Variants in ABCG8 observed in about 807,000 individuals in gnomAD.
ABCG8 encodes ATP binding cassette subfamily G member 8.
A neutral mutation model predicts 71.3 loss-of-function variants in ABCG8; 81 were observed. The ratio of observed to expected loss-of-function variants is 1.14; its 90% CI spans 0.95 to 1.37. The LOEUF (loss-of-function observed/expected upper bound fraction) is 1.37. Among genes scored for constraint, ABCG8 ranks in the 40% most tolerant of loss-of-function variants. ABCG8 has a pLI of 0.00. For synonymous variants in ABCG8, 451 were observed against 354.7 expected (o/e 1.27, Z -3.05); for missense variants, 1,119 against 866.2 (o/e 1.29, Z -3.66).
In ABCG8 at chr2:43,856,934, T is replaced by C. The variant is rs570390257; in HGVS notation, c.964+4066T>C. On this transcript the variant is annotated intron_variant, in intron 6 of 12. Coordinates refer to ENST00000272286, the MANE Select transcript of ABCG8 (RefSeq NM_022437.3). ...AGAATTCTCACTATCTGGATAGAAT[T>C]CTTACTTTCTGGATAGAACTCTCAG... Among the ~76,000 whole-genome samples, 5 of 151,510 alleles carry C rather than the reference T, an allele frequency of 3.3e-5. No homozygotes were observed. In the South Asian group the frequency reaches 1.0e-3, roughly 32 times the overall value.
At position 43,878,528 on chromosome 2, in the gene ABCG8, C is replaced by G. The variant is rs1670034884; in HGVS notation, c.*615C>G. ...CAATCCCTTGAGGTAAGTGGTATCC[C>G]ATTTTATAGGTGTGAAAACTGAAGC... On this transcript the variant is annotated 3_prime_UTR_variant, in exon 13 of 13. Coordinates refer to ENST00000272286, the MANE Select transcript of ABCG8 (RefSeq NM_022437.3). 1 of 166,562 alleles carries G rather than the reference C, an allele frequency of 6.0e-6. No individual in the cohort carries two copies. The highest frequency in any genetic ancestry group is 2.4e-5 in the African/African-American group (1 of 41,796). 10.3% of individuals were successfully genotyped at this position (166,562 alleles called of 1,614,324 possible). A position where few individuals can be genotyped will look rare whatever the true frequency, so the allele number is the denominator to read the frequency against.
In ABCG8 at chr2:43,875,212, G is replaced by T. The variant is rs1558859254; in HGVS notation, c.1555G>T (p.Ala519Ser). 6.2e-7 allele frequency: 1 copy of T among 1,614,200 alleles called. No individual in the cohort carries two copies. The highest frequency in any genetic ancestry group is 2.2e-5 in the East Asian group (1 of 44,878). Reference sequence around the variant, plus strand: ...CTACGGGATGCCCACCTACTGGCTGGCCAACCTGAGGCCAGGCCTCCAGCC... The same window carrying T: ...CTACGGGATGCCCACCTACTGGCTGTCCAACCTGAGGCCAGGCCTCCAGCC... ...IIYGMPTYWL[A>S]NLRPGLQPFL... The change falls in exon 11 of 13, where the codon GCC becomes TCC. Residue 519 changes from alanine to serine, a missense_variant. Physicochemically the swap from Ala to Ser is moderately conservative, Grantham distance 99 (BLOSUM62 1). Coordinates refer to ENST00000272286, the MANE Select transcript of ABCG8 (RefSeq NM_022437.3).
rs138169181 is a variant in ABCG8, at chr2:43,875,808, G to A, written c.1756+395G>A. ...ACCTGGGCCCCTCCACATCCCTCTCGACTCAGCCACGCAGAGTGAGCTTTC... is the reference window on the plus strand; with the variant it reads ...ACCTGGGCCCCTCCACATCCCTCTCAACTCAGCCACGCAGAGTGAGCTTTC... On this transcript the variant is annotated intron_variant, in intron 11 of 12. Coordinates refer to ENST00000272286, the MANE Select transcript of ABCG8 (RefSeq NM_022437.3). 5.3e-5 allele frequency among the ~76,000 whole-genome samples: 8 copies of A among 152,222 alleles called. No homozygotes were observed. In the South Asian group the frequency reaches 8.3e-4, roughly 16 times the overall value.
Position 43,852,526 on chromosome 2 carries a change from G to A in ABCG8, c.694+40G>A, listed in dbSNP as rs766536567. 1.9e-6 allele frequency: 3 copies of A among 1,612,956 alleles called. No homozygotes were observed. The South Asian group carries it at 3.3e-5, about 18-fold the overall frequency. On this transcript the variant is annotated intron_variant, in intron 5 of 12. Transcript: ENST00000272286. ...GGCAGATGGGGGCAGAGGGACCTGT[G>A]CGGTCCCCTCAGGCTTGGCTTGGTC... is the stretch of plus-strand genomic sequence containing the variant.
At position 43,852,406 on chromosome 2, in the gene ABCG8, T is replaced by TG. The variant is rs1668951343; in HGVS notation, c.617dup (p.Asn207GlnfsTer11). ...CTTAGGCAGTGCGCTGACACCCGCG[T>TG]GGGCAACATGTACGTGCGGGGGTTG... is the stretch of plus-strand genomic sequence containing the variant. On this transcript the variant is annotated frameshift_variant, in exon 5 of 13. Coordinates refer to ENST00000272286, the MANE Select transcript of ABCG8 (RefSeq NM_022437.3). LOFTEE classifies it high-confidence loss of function. The TG allele has an allele frequency of 6.2e-7, 1 of 1,612,322 alleles. No homozygotes were observed. The highest frequency in any genetic ancestry group is 1.1e-5 in the South Asian group (1 of 91,008).
chr2:43,871,753 G>C (rs1160379437), intron 6 of ABCG8, among the ~76,000 whole-genome samples: 2 of 152,228 alleles, frequency 1.3e-5, no homozygotes, highest in Non-Finnish European at 2.9e-5. Flanking sequence ...TTACCCTGAG[G>C]CTTCTGCAGA....
intron 6 of ABCG8, among the ~76,000 whole-genome samples, chr2:43,855,246 C>G (rs1015144318): frequency 6.6e-6 from 1 of 152,130 alleles, no homozygotes; most frequent in African/African-American, 2.4e-5. Context: ...AGATAGAACT[C>G]TCACTATCTG....
rs145125968 is a variant in ABCG8 at position 43,877,813 on chromosome 2, A to T, written c.1922A>T (p.Tyr641Phe). 2.6e-4 allele frequency: 420 copies of T among 1,613,906 alleles called. No individual in the cohort carries two copies. The highest frequency in any genetic ancestry group is 3.4e-4 in the Non-Finnish European group (407 of 1,180,002). ...SVMELDSYPL[Y>F]AIYLIVIGLS... ...ATGGAGCTGGACTCGTACCCTCTCT[A>T]CGCCATCTACCTCATCGTCATTGGC... Residue 641 changes from tyrosine (Y) to phenylalanine (F), a missense_variant, in exon 13 of 13, where the codon TAC (tyrosine) becomes TTC (phenylalanine). Transcript: ENST00000272286.
rs537784677 is a variant in ABCG8 at position 43,839,403 on chromosome 2, C to CTTTTTTTTTTTTTTTTTTTTTTTTTT, written c.63+303_63+328dup. Among the ~76,000 whole-genome samples the CTTTTTTTTTTTTTTTTTTTTTTTTTT allele has an allele frequency of 8.4e-4, 50 of 59,310 alleles. 12 individuals are homozygous for CTTTTTTTTTTTTTTTTTTTTTTTTTT. Among genetic ancestry groups the CTTTTTTTTTTTTTTTTTTTTTTTTTT allele is most frequent in the Admixed American group, 1.4e-3 (5 of 3,500 alleles). The allele number at this position is 59,310 out of a possible 152,430, so 38.9% of individuals were successfully genotyped here. ...CACTTTTTCTTTTTTCTTTTCTTCT[C>CTTTTTTTTTTTTTTTTTTTTTTTTTT]TTTTTTTTTTTTTTTTTTTTTTTTT... is the stretch of plus-strand genomic sequence containing the variant. On this transcript the variant is annotated intron_variant, in intron 1 of 12. Transcript: ENST00000272286.
chr2:43,872,338 C>T (rs1187429289), intron 8 of ABCG8, 32 bp downstream of exon 8: 3 of 1,591,096 alleles, frequency 1.9e-6, no homozygotes, highest in South Asian at 1.1e-5. Flanking sequence ...ACTGAACCCG[C>T]CCCCCTGCCC....
intron 6 of ABCG8, among the ~76,000 whole-genome samples, chr2:43,868,426 G>A (rs548211333): frequency 7.7e-4 from 116 of 150,532 alleles, no homozygotes; most frequent in African/African-American, 2.8e-3. Context: ...CGATAGAACT[G>A]TCACCCTCTG....
chr2:43,857,396 T>A (rs949228114), intron 6 of ABCG8, among the ~76,000 whole-genome samples: 1 of 151,918 alleles, frequency 6.6e-6, no homozygotes, highest in Non-Finnish European at 1.5e-5. Flanking sequence ...TCTCACTATC[T>A]ATCTGGATAG....
intron 1 of ABCG8, among the ~76,000 whole-genome samples, chr2:43,841,688 C>T (rs1668585164): frequency 6.6e-6 from 1 of 152,118 alleles, no homozygotes; most frequent in Non-Finnish European, 1.5e-5. Context: ...TTGGAACAAG[C>T]AACCAGGCAC....
intron 3 of ABCG8, among the ~76,000 whole-genome samples, chr2:43,850,792 C>T (rs924315618): frequency 1.3e-5 from 2 of 151,936 alleles, no homozygotes; most frequent in African/African-American, 4.8e-5. Flanking sequence ...GCCTGTAATC[C>T]CAGCTACTCA....
chr2:43,853,756 C>G (rs1026951572), intron 6 of ABCG8, among the ~76,000 whole-genome samples: 1 of 152,218 alleles, frequency 6.6e-6, no homozygotes, highest in African/African-American at 2.4e-5. Flanking sequence ...GCTTGCAGAG[C>G]TAAACACCTG....
Position 43,881,954 on chromosome 2 carries a change from G to A in ABCG8, c.*4041G>A, listed in dbSNP as rs534403670. ...TGTAGACTATAGTAACGTACAGCCG[G>A]TGTGGCTGTCTTCTAAGAAAGTATT... On this transcript the variant is annotated 3_prime_UTR_variant, in exon 13 of 13. Transcript: ENST00000272286. The A allele has an allele frequency of 6.6e-6, 1 of 152,268 alleles. No homozygotes were observed. The highest frequency in any genetic ancestry group is 2.1e-4 in the South Asian group (1 of 4,830). The allele number at this position is 152,268 out of a possible 1,614,324, so 9.4% of individuals were successfully genotyped here.
intron 8 of ABCG8, 57 bp from the exon 9 acceptor site, chr2:43,873,730 G>C (rs1365182195): frequency 4.5e-6 from 7 of 1,569,882 alleles, no homozygotes; most frequent in African/African-American, 2.7e-5. Context: ...GACATTCCCA[G>C]GGTCACGGGG....
At chr2:43,848,376 G>C (rs1322199170) in intron 3 of ABCG8, 1 of 152,156 alleles carries the variant, frequency 6.6e-6, no homozygotes, top group African/African-American at 2.4e-5. Flanking sequence ...GTTGGGTATG[G>C]ACAGGAGCTC....
chr2:43,877,542 C>T lies in ABCG8; in HGVS notation c.1757-19C>T, dbSNP rs1366027850. 16 of 1,613,268 alleles carry T rather than the reference C, an allele frequency of 9.9e-6. No homozygotes were observed. Among genetic ancestry groups the T allele is most frequent in the Non-Finnish European group, 1.3e-5 (15 of 1,179,972 alleles). On this transcript the variant is annotated intron_variant, in intron 11 of 12. Coordinates refer to ENST00000272286, the MANE Select transcript of ABCG8 (RefSeq NM_022437.3). ...GAATATGAGGGACACCTGTGAGTAACGCGGCTGTCTGTCTCCAGTGCCCGC... is the reference window on the plus strand; with the variant it reads ...GAATATGAGGGACACCTGTGAGTAATGCGGCTGTCTGTCTCCAGTGCCCGC...
Sources: allele counts gnomAD v4.1 joint callset (sites outside exome capture counted in the v4.1 genomes callset), GRCh38; gene constraint gnomAD v4.1.1; transcripts MANE v1.5; gene names NCBI Gene and HGNC (gene_info 2026-07-23, HGNC 2026-07-21).